The following CCDC171 variants were observed in gnomAD, a reference collection of about 807,000 sequenced individuals.
CCDC171 encodes coiled-coil domain containing 171.
In CCDC171, 177 loss-of-function variants were observed where a neutral mutation model predicts 168.2. That is an observed-to-expected ratio of 1.05 (90% confidence interval 0.93 to 1.19). CCDC171 has a LOEUF of 1.19. CCDC171 is among the 50% of genes most tolerant of loss of function. The pLI is 0.00. For missense variants in CCDC171, 1,991 were observed against 1,539.0 expected, an observed-to-expected ratio of 1.29 and a Z score of -4.91; for synonymous variants, 687 against 540.8, an observed-to-expected ratio of 1.27 and a Z score of -3.75.
downstream of CCDC171, among the ~76,000 whole-genome samples, chr9:15,975,454 A>T (rs913650725): frequency 2.6e-5 from 4 of 152,218 alleles, no homozygotes; most frequent in Admixed American, 6.5e-5. Flanking sequence ...TAGATTTCTT[A>T]TGAATTGATT....
chr9:16,008,662 C>T (rs1241863637), intron 3 of CCDC171, among the ~76,000 whole-genome samples: 1 of 152,184 alleles, frequency 6.6e-6, no homozygotes, highest in Non-Finnish European at 1.5e-5. Context: ...CCTCTCCTTG[C>T]ATCGCTGGGC....
chr9:15,790,198 T>G (rs995182895), intron 21 of CCDC171, among the ~76,000 whole-genome samples: 1 of 152,236 alleles, frequency 6.6e-6, no homozygotes, highest in Admixed American at 6.5e-5. Context: ...ATGGTTGAAC[T>G]AGTTTACACT....
In CCDC171 at chr9:15,820,771, G is replaced by T. The variant is rs189531224; in HGVS notation, c.3268-25931G>T. 3.4e-5 allele frequency among the ~76,000 whole-genome samples: 4 copies of T among 117,404 alleles called. 1 individual carries two copies. The highest frequency in any genetic ancestry group is 5.7e-5 in the Non-Finnish European group (3 of 52,276). 77.0% of individuals were successfully genotyped at this position (117,404 alleles called of 152,430 possible). ...TCTACCAGAGGTACAGGAGGAGCTG[G>T]TACCATTCCTTCTGAAACTATTACA... On this transcript the variant is annotated intron_variant, in intron 21 of 25. Transcript: ENST00000380701.
Position 15,623,462 on chromosome 9 carries a change from TATGC to T in CCDC171, c.822+50_822+53del, listed in dbSNP as rs748857482. The T allele has an allele frequency of 7.3e-3, 3,515 of 484,516 alleles. 88 individuals are homozygous for T. The highest frequency in any genetic ancestry group is 9.8e-3 in the Non-Finnish European group (3,145 of 319,960). The allele number at this position is 484,516 out of a possible 1,614,324, so 30.0% of individuals were successfully genotyped here. A position where few individuals can be genotyped will look rare whatever the true frequency, so the allele number is the denominator to read the frequency against. On this transcript the variant is annotated intron_variant, in intron 7 of 25. Transcript: ENST00000380701. ...ATATATATGCGTACAAACTTTCACATATGCGCGCGCGCGCACACACACACACACA... is the reference window on the plus strand; with the variant it reads ...ATATATATGCGTACAAACTTTCACATGCGCGCGCGCACACACACACACACA...
In CCDC171 at chr9:15,923,070, C is replaced by T. The variant is rs564065726; in HGVS notation, c.3753+2648C>T. ...GCAGAGCTTTTTAGTTTGATTTAAT[C>T]GCATTTGTCTGTTTTTGGTTGTATT... On this transcript the variant is annotated intron_variant, in intron 25 of 25. Transcript: ENST00000380701. 1.8e-3 allele frequency among the ~76,000 whole-genome samples: 277 copies of T among 151,462 alleles called. 2 individuals are homozygous for T. Among genetic ancestry groups the T allele is most frequent in the African/African-American group, 6.4e-3 (264 of 41,420 alleles).
At chr9:15,878,259 T>A (rs1563923909) in intron 24 of CCDC171, among the ~76,000 whole-genome samples, 2 of 151,884 alleles carry the variant, frequency 1.3e-5, no homozygotes, top group South Asian at 4.1e-4. Context: ...CCAGCACCTA[T>A]AAGGAACTTA....
At chr9:15,914,405 C>CT (rs1048747193) in intron 24 of CCDC171, among the ~76,000 whole-genome samples, 1 of 152,150 alleles carries the variant, frequency 6.6e-6, no homozygotes, top group African/African-American at 2.4e-5. Context: ...CTGCAGTGGG[C>CT]TCTGTCCAGT....
rs766888034 is a variant in CCDC171 at position 15,744,779 on chromosome 9, T to C, written c.2554+2T>C. 1 of 1,604,716 alleles carries C rather than the reference T, an allele frequency of 6.2e-7. No individual in the cohort carries two copies. ...CCCAAGACAAGCATAAATTTCCAAG[T>C]AAGATAATTTCTGCTTTTAAAAATA... On this transcript the variant is annotated splice_donor_variant, in intron 17 of 25. Coordinates refer to ENST00000380701, the MANE Select transcript of CCDC171 (RefSeq NM_173550.4). LOFTEE classifies it high-confidence loss of function.
intron 24 of CCDC171, among the ~76,000 whole-genome samples, chr9:15,902,741 T>G (rs975720273): frequency 3.9e-5 from 6 of 152,162 alleles, no homozygotes; most frequent in Non-Finnish European, 5.9e-5. Context: ...AGGCATCACC[T>G]CACCTGGGAA....
chr9:15,767,485 G>A (rs191848850), intron 18 of CCDC171, among the ~76,000 whole-genome samples: 18 of 151,446 alleles, frequency 1.2e-4, no homozygotes, highest in Admixed American at 9.8e-4. Flanking sequence ...AAAGTCCACT[G>A]ATTAGCAAAC....
chr9:16,053,472 A>G (rs1253938366), intron 1 of CCDC171, among the ~76,000 whole-genome samples: 1 of 152,248 alleles, frequency 6.6e-6, no homozygotes, highest in East Asian at 1.9e-4. Flanking sequence ...TAGTCAGGTT[A>G]CTGGACCCAT....
intron 16 of CCDC171, 63 bp downstream of exon 16, chr9:15,729,861 T>TA (rs2054047370): frequency 7.1e-7 from 1 of 1,413,706 alleles, no homozygotes; most frequent in African/African-American, 1.4e-5. Context: ...TAGAAACTTT[T>TA]TTTTTTTCAG....
intron 21 of CCDC171, among the ~76,000 whole-genome samples, chr9:15,821,582 A>T (rs529409066): frequency 1.7e-5 from 2 of 117,212 alleles, no homozygotes; most frequent in Non-Finnish European, 3.8e-5. Flanking sequence ...TCCCATTCAC[A>T]ATTGCTTCAA....
At chr9:15,596,481 T>C (rs1252474435) in intron 6 of CCDC171, among the ~76,000 whole-genome samples, 6 of 151,662 alleles carry the variant, frequency 4.0e-5, no homozygotes, top group Non-Finnish European at 7.4e-5. Flanking sequence ...TTCTGAGGGC[T>C]CTGTTCTGTT....
At chr9:15,956,700 C>T (rs919021593) in intron 25 of CCDC171, among the ~76,000 whole-genome samples, 3 of 152,054 alleles carry the variant, frequency 2.0e-5, no homozygotes, top group Non-Finnish European at 2.9e-5. Flanking sequence ...AACATATATT[C>T]AAGTACAATG....
rs1831455326 is a variant in CCDC171, at chr9:15,972,573, T to C, written c.*737T>C. On this transcript the variant is annotated 3_prime_UTR_variant, in exon 26 of 26. Transcript: ENST00000380701. Reference sequence around the variant, plus strand: ...CAATTGTGCTGGAGGATTTCTGTGGTATGTTTAGGCACTTCATAAGGACAG... The same window carrying C: ...CAATTGTGCTGGAGGATTTCTGTGGCATGTTTAGGCACTTCATAAGGACAG... 1 of 152,242 alleles carries C rather than the reference T, an allele frequency of 6.6e-6. No individual in the cohort carries two copies. Among genetic ancestry groups the C allele is most frequent in the African/African-American group, 2.4e-5 (1 of 41,446 alleles). The allele number at this position is 152,242 out of a possible 1,614,324, so 9.4% of individuals were successfully genotyped here. A position where few individuals can be genotyped will look rare whatever the true frequency, so the allele number is the denominator to read the frequency against.
chr9:15,749,875 G>C (rs968432560), intron 18 of CCDC171, among the ~76,000 whole-genome samples: 1 of 152,096 alleles, frequency 6.6e-6, no homozygotes, highest in Non-Finnish European at 1.5e-5. Flanking sequence ...AAGCAGGAAA[G>C]ATCAAAATCA....
chr9:15,679,580 C>T (rs2049896046), intron 10 of CCDC171, among the ~76,000 whole-genome samples: 1 of 152,124 alleles, frequency 6.6e-6, no homozygotes, highest in Non-Finnish European at 1.5e-5. Context: ...GATGAGGTTT[C>T]ACTCTGTTGC....
intron 6 of CCDC171, among the ~76,000 whole-genome samples, chr9:15,599,993 C>T (rs1181154498): frequency 6.6e-6 from 1 of 151,876 alleles, no homozygotes; most frequent in African/African-American, 2.4e-5. Context: ...TGGTTTTCAG[C>T]TCCGTCAGGT....
Sources: gnomAD v4.1 joint callset for allele counts (sites outside exome capture counted in the v4.1 genomes callset) on GRCh38, gnomAD v4.1.1 for gene constraint, MANE v1.5 for transcripts, NCBI Gene and HGNC (gene_info 2026-07-23, HGNC 2026-07-21) for gene names.